Variants in ZMYM2 observed in about 807,000 individuals in gnomAD.
The protein encoded by ZMYM2 is zinc finger MYM-type containing 2, also known as zinc finger MYM-type protein 2.
In ZMYM2, 56 loss-of-function variants were observed where a neutral mutation model predicts 162.8. The observed-to-expected ratio is 0.34, with a 90% CI of 0.28 to 0.43. The LOEUF (loss-of-function observed/expected upper bound fraction) is 0.43, where lower values mean the gene tolerates loss of function less well. Ranked by LOEUF, ZMYM2 falls within the 20% of genes least tolerant of loss-of-function variation. The pLI is 1.00. For synonymous variants in ZMYM2, 510 were observed against 541.6 expected (o/e 0.94, Z 0.81); for missense variants, 1,275 against 1,621.8 (o/e 0.79, Z 3.67).
rs933854935 is a variant in ZMYM2 at position 20,045,049 on chromosome 13, C to CAAAA, written c.2293-6364_2293-6361dup. 8.2e-4 allele frequency among the ~76,000 whole-genome samples: 39 copies of CAAAA among 47,362 alleles called. 4 individuals are homozygous for CAAAA. The highest frequency in any genetic ancestry group is 3.3e-3 in the South Asian group (4 of 1,202). 31.1% of individuals were successfully genotyped at this position (47,362 alleles called of 152,430 possible). On this transcript the variant is annotated intron_variant, in intron 12 of 24. Coordinates refer to ENST00000610343, the MANE Select transcript of ZMYM2 (RefSeq NM_197968.4). ...CGGGCGACAGAGCAAGACTCTGTGTCAAAAAAAAAAAAAAAAAAAAAAAGC... is the reference window on the plus strand; with the variant it reads ...CGGGCGACAGAGCAAGACTCTGTGTCAAAAAAAAAAAAAAAAAAAAAAAAAAAGC...
the ZMYM2 span, among the ~76,000 whole-genome samples, chr13:19,870,645 C>T: frequency 6.6e-6 from 1 of 150,982 alleles, no homozygotes; most frequent in African/African-American, 2.4e-5. Context: ...CGCTCTATTG[C>T]CCAGGCTGGT....
At chr13:19,931,619 A>C in the ZMYM2 span, among the ~76,000 whole-genome samples, 2 of 151,986 alleles carry the variant, frequency 1.3e-5, no homozygotes, top group Non-Finnish European at 2.9e-5. Flanking sequence ...TATGCACCAA[A>C]GTTTTCTTTT....
intron 12 of ZMYM2, among the ~76,000 whole-genome samples, chr13:20,049,355 C>T (rs1465252586): frequency 6.6e-6 from 1 of 151,754 alleles, no homozygotes; most frequent in Non-Finnish European, 1.5e-5. Flanking sequence ...AATTGTAGAA[C>T]GATGAAGTGA....
At position 20,026,735 on chromosome 13, in the gene ZMYM2, C is replaced by T. The variant is rs1452582432; in HGVS notation, c.1708C>T (p.His570Tyr). 1 of 1,596,886 alleles carries T rather than the reference C, an allele frequency of 6.3e-7. No individual in the cohort carries two copies. The highest frequency in any genetic ancestry group is 8.5e-7 in the Non-Finnish European group (1 of 1,176,350). Reference protein sequence around the residue: ...PYCSTACMNSHKTKYAKSQSL... With the variant: ...PYCSTACMNSYKTKYAKSQSL... ...TTGTTCAACTGCTTGTATGAACAGT[C>T]ACAAGACAAAATATGCAAAATCACA... Residue 570 changes from histidine to tyrosine, a missense_variant, in exon 8 of 25, where the codon CAC becomes TAC. By Grantham distance (83) the His-to-Tyr change is moderately conservative. Coordinates refer to ENST00000610343, the MANE Select transcript of ZMYM2 (RefSeq NM_197968.4).
chr13:19,886,233 C>T, the ZMYM2 span, among the ~76,000 whole-genome samples: 13 of 133,104 alleles, frequency 9.8e-5, no homozygotes, highest in Non-Finnish European at 1.7e-4. Flanking sequence ...GGCGCAATCT[C>T]GGCTCATCGC....
chr13:19,915,422 TCTTTCTTTCTTTCTTTCTTC>T, the ZMYM2 span, among the ~76,000 whole-genome samples: 1 of 151,826 alleles, frequency 6.6e-6, no homozygotes, highest in African/African-American at 2.4e-5. Flanking sequence ...GCTTTTTCTT[TCTTTCTTTCTTTCTTTCTTC>T]CTTTCTTTCT....
chr13:19,913,602 G>GT, the ZMYM2 span, among the ~76,000 whole-genome samples: 1 of 152,188 alleles, frequency 6.6e-6, no homozygotes, highest in African/African-American at 2.4e-5. Flanking sequence ...GTGGATGTCT[G>GT]TAATCCCAGC....
At chr13:20,012,421 C>A (rs1425438698) in intron 6 of ZMYM2, among the ~76,000 whole-genome samples, 1 of 152,124 alleles carries the variant, frequency 6.6e-6, no homozygotes, top group Admixed American at 6.6e-5. Context: ...TTCAAGTGAT[C>A]TGTCCTTCTC....
chr13:19,947,523 G>A, the ZMYM2 span, among the ~76,000 whole-genome samples: 1 of 147,374 alleles, frequency 6.8e-6, no homozygotes, highest in Non-Finnish European at 1.5e-5. Context: ...TGCAATGCAT[G>A]ATCTTGGCTC....
chr13:19,967,551 A>G (rs951669725), intron 2 of ZMYM2, among the ~76,000 whole-genome samples: 1 of 152,210 alleles, frequency 6.6e-6, no homozygotes, highest in Non-Finnish European at 1.5e-5. Context: ...CATTTAATAC[A>G]TTTATCAAAT....
intron 2 of ZMYM2, 61 bp from the exon 3 acceptor site, chr13:19,993,002 A>G: frequency 6.7e-7 from 1 of 1,495,390 alleles, no homozygotes; most frequent in Non-Finnish European, 8.9e-7. Flanking sequence ...CAATGGTTTC[A>G]GTTAGAGTAA....
intron 4 of ZMYM2, among the ~76,000 whole-genome samples, chr13:20,003,798 G>A (rs1272683479): frequency 4.6e-5 from 7 of 151,934 alleles, no homozygotes; most frequent in East Asian, 1.9e-4. Context: ...ACAGGCTTTC[G>A]CCACCATGCC....
chr13:19,865,353 A>G, the ZMYM2 span, among the ~76,000 whole-genome samples: 1 of 152,246 alleles, frequency 6.6e-6, no homozygotes, highest in African/African-American at 2.4e-5. Context: ...TGCAGGTTGG[A>G]CAAGCTTGAT....
At chr13:19,950,624 C>T in the ZMYM2 span, among the ~76,000 whole-genome samples, 9 of 152,208 alleles carry the variant, frequency 5.9e-5, no homozygotes, top group Admixed American at 3.3e-4. Flanking sequence ...TCTCTGACCA[C>T]GTAGCAGCTG....
At chr13:19,949,859 C>G in the ZMYM2 span, among the ~76,000 whole-genome samples, 2 of 138,256 alleles carry the variant, frequency 1.4e-5, no homozygotes, top group South Asian at 2.3e-4. Flanking sequence ...TGCACTCAAG[C>G]CTGGGTGACA....
chr13:19,897,599 A>T, the ZMYM2 span, among the ~76,000 whole-genome samples: 1 of 152,018 alleles, frequency 6.6e-6, no homozygotes, highest in Non-Finnish European at 1.5e-5. Flanking sequence ...AGGATGGATG[A>T]AAAAATATAT....
chr13:19,871,369 A>G, the ZMYM2 span, among the ~76,000 whole-genome samples: 2 of 152,190 alleles, frequency 1.3e-5, no homozygotes, highest in Admixed American at 6.6e-5. Flanking sequence ...ATTGATAAAA[A>G]AAGAACAATT....
At chr13:19,873,272 C>T in the ZMYM2 span, among the ~76,000 whole-genome samples, 1 of 152,084 alleles carries the variant, frequency 6.6e-6, no homozygotes, top group African/African-American at 2.4e-5. Context: ...ATTTACTTGC[C>T]GTGTCTCTTA....
At chr13:19,987,491 A>G (rs567970591) in intron 2 of ZMYM2, among the ~76,000 whole-genome samples, 1 of 151,192 alleles carries the variant, frequency 6.6e-6, no homozygotes, top group Non-Finnish European at 1.5e-5. Context: ...TCTCAAACTC[A>G]TGACCTCGTG....
Sources: gnomAD v4.1 joint callset for allele counts (sites outside exome capture counted in the v4.1 genomes callset) on GRCh38, gnomAD v4.1.1 for gene constraint, MANE v1.5 for transcripts, NCBI Gene and HGNC (gene_info 2026-07-23, HGNC 2026-07-21) for gene names.